Variants in EIF3H observed in about 807,000 individuals in gnomAD.
EIF3H encodes the protein eukaryotic translation initiation factor 3 subunit H.
A neutral mutation model predicts 44.2 loss-of-function variants in EIF3H; 26 were observed. The observed-to-expected ratio is 0.59, with a 90% CI of 0.43 to 0.82. The LOEUF (loss-of-function observed/expected upper bound fraction) is 0.82, where lower values mean the gene tolerates loss of function less well. Among genes scored for constraint, EIF3H ranks in the 40% least tolerant of loss-of-function variants. The pLI is 0.00. For synonymous variants in EIF3H, 166 were observed against 151.9 expected (o/e 1.09, Z -0.68); for missense variants, 359 against 432.8 (o/e 0.83, Z 1.51).
At chr8:116,689,200 C>A in intron 2 of EIF3H, 2 of 385,326 alleles carry the variant, frequency 5.2e-6, no homozygotes, top group South Asian at 1.8e-5. Context: ...TTGTATAATT[C>A]CACTTACATG....
At chr8:116,693,565 A>G (rs1334150853) in intron 2 of EIF3H, among the ~76,000 whole-genome samples, 1 of 152,228 alleles carries the variant, frequency 6.6e-6, no homozygotes, top group Non-Finnish European at 1.5e-5. Flanking sequence ...TCAACAGTCC[A>G]CTGTGGCACT....
intron 2 of EIF3H, chr8:116,697,010 C>A (rs1054061075): frequency 6.7e-6 from 3 of 444,766 alleles, no homozygotes; most frequent in African/African-American, 4.0e-5. Flanking sequence ...ACAATTAGGG[C>A]ACAGAGATAA....
At chr8:116,680,214 C>A (rs1813956604) in intron 2 of EIF3H, among the ~76,000 whole-genome samples, 1 of 50,824 alleles carries the variant, frequency 2.0e-5, no homozygotes, top group African/African-American at 5.5e-5. Flanking sequence ...GGGGGGTCAG[C>A]CCCCCGCCCG....
chr8:116,670,070 T>A (rs1265024553), intron 2 of EIF3H, among the ~76,000 whole-genome samples: 1 of 152,212 alleles, frequency 6.6e-6, no homozygotes, highest in African/African-American at 2.4e-5. Flanking sequence ...CATTTCCTGT[T>A]ATGACAATAT....
chr8:116,699,288 T>C (rs954090338), intron 2 of EIF3H, among the ~76,000 whole-genome samples: 20 of 152,224 alleles, frequency 1.3e-4, no homozygotes, highest in African/African-American at 4.8e-4. Flanking sequence ...GACATACACT[T>C]CAATTTTCAT....
intron 1 of EIF3H, among the ~76,000 whole-genome samples, chr8:116,751,715 G>A (rs932855171): frequency 7.9e-5 from 12 of 152,192 alleles, no homozygotes; most frequent in Non-Finnish European, 1.2e-4. Flanking sequence ...CGTGAGCACA[G>A]ATAAGAATAC....
At chr8:116,724,203 G>A (rs1333666042) in intron 2 of EIF3H, among the ~76,000 whole-genome samples, 1 of 152,176 alleles carries the variant, frequency 6.6e-6, no homozygotes, top group Non-Finnish European at 1.5e-5. Context: ...GACCCTCAAT[G>A]GGAAAGGACA....
rs186920643 is a variant in EIF3H, at chr8:116,661,728, C to T, written c.290-2748G>A. ...TCAAATAGCCTGAATACAAGAGATTCTCTAACAGCATTTCAGGATACACAA... is the reference window on the plus strand; with the variant it reads ...TCAAATAGCCTGAATACAAGAGATTTTCTAACAGCATTTCAGGATACACAA... On this transcript the variant is annotated intron_variant, in intron 2 of 7. Transcript: ENST00000521861. Among the ~76,000 whole-genome samples the T allele has an allele frequency of 8.1e-3, 1,241 of 152,322 alleles. 19 individuals carry two copies. Among genetic ancestry groups the T allele is most frequent in the African/African-American group, 0.028 (1,179 of 41,560 alleles).
chr8:116,680,697 C>T (rs1813969096), intron 2 of EIF3H, among the ~76,000 whole-genome samples: 2 of 136,464 alleles, frequency 1.5e-5, no homozygotes, highest in African/African-American at 5.5e-5. Context: ...TGCGGAAGGC[C>T]GCAGGGTCCT....
At chr8:116,671,072 A>G (rs1393883707) in intron 2 of EIF3H, among the ~76,000 whole-genome samples, 1 of 152,252 alleles carries the variant, frequency 6.6e-6, no homozygotes, top group Non-Finnish European at 1.5e-5. Context: ...CTCCTGCCAG[A>G]TGTTTAAAAT....
intron 2 of EIF3H, among the ~76,000 whole-genome samples, chr8:116,681,389 C>G (rs949346389): frequency 5.3e-5 from 8 of 150,970 alleles, no homozygotes; most frequent in Middle Eastern, 3.3e-3. Context: ...ACTCTATGAC[C>G]GGGCACAGTG....
At chr8:116,655,637 C>G (rs960871409) in intron 5 of EIF3H, among the ~76,000 whole-genome samples, 3 of 152,100 alleles carry the variant, frequency 2.0e-5, no homozygotes, top group African/African-American at 7.2e-5. Context: ...CTAATATGAG[C>G]AATTAGTATT....
intron 2 of EIF3H, among the ~76,000 whole-genome samples, chr8:116,680,138 G>A (rs1363259334): frequency 3.1e-5 from 2 of 65,186 alleles, no homozygotes; most frequent in African/African-American, 9.5e-5. Context: ...GCCTCTGCCC[G>A]GCCGCCCCTA....
intron 2 of EIF3H, among the ~76,000 whole-genome samples, chr8:116,711,864 C>T (rs569775990): frequency 6.6e-6 from 1 of 152,330 alleles, no homozygotes; most frequent in African/African-American, 2.4e-5. Context: ...AAGTCAAATA[C>T]ACTGCTTAAA....
chr8:116,652,142 G>A (rs1038839125), intron 5 of EIF3H, among the ~76,000 whole-genome samples: 4 of 152,152 alleles, frequency 2.6e-5, no homozygotes, highest in African/African-American at 7.2e-5. Flanking sequence ...AGAATGAGAG[G>A]AAACCCAGAA....
At chr8:116,706,635 A>G (rs896223637) in intron 2 of EIF3H, among the ~76,000 whole-genome samples, 2 of 152,172 alleles carry the variant, frequency 1.3e-5, no homozygotes, top group East Asian at 3.8e-4. Flanking sequence ...CCCGGTTTCA[A>G]GAGATTCTTG....
chr8:116,642,434 T>C lies in EIF3H; in HGVS notation c.*2572A>G, dbSNP rs1813236306. 1 of 152,144 alleles carries C rather than the reference T, an allele frequency of 6.6e-6. No homozygotes were observed. The highest frequency in any genetic ancestry group is 1.5e-5 in the Non-Finnish European group (1 of 68,010). The allele number at this position is 152,144 out of a possible 1,614,324, so 9.4% of individuals were successfully genotyped here. ...CTTCCAAAAATAGGTAAAAAAATTA[T>C]TTTAGTTTAAGTTGATATTAAAAAC... On this transcript the variant is annotated 3_prime_UTR_variant, in exon 8 of 8. Coordinates refer to ENST00000521861, the MANE Select transcript of EIF3H (RefSeq NM_003756.3).
At chr8:116,688,504 A>G (rs558882288) in intron 2 of EIF3H, among the ~76,000 whole-genome samples, 2 of 152,266 alleles carry the variant, frequency 1.3e-5, no homozygotes, top group African/African-American at 4.8e-5. Flanking sequence ...AAGACATAAA[A>G]GATATACTGT....
rs1258081894 is a variant in EIF3H at position 116,645,110 on chromosome 8, AT to A, written c.962-8del. 1 of 1,610,490 alleles carries A rather than the reference AT, an allele frequency of 6.2e-7. No individual in the cohort carries two copies. The highest frequency in any genetic ancestry group is 8.5e-7 in the Non-Finnish European group (1 of 1,177,306). Reference sequence around the variant, plus strand: ...CAGTAAGTGTTTATCTGGCCTGTGCATTTGAGAAAGAGATAGAGCCATAATG... The same window carrying A: ...CAGTAAGTGTTTATCTGGCCTGTGCATTGAGAAAGAGATAGAGCCATAATG... On this transcript the variant is annotated splice_polypyrimidine_tract_variant and splice_region_variant and intron_variant, in intron 7 of 7. Coordinates refer to ENST00000521861, the MANE Select transcript of EIF3H (RefSeq NM_003756.3).
Sources: gnomAD v4.1 joint callset for allele counts (sites outside exome capture counted in the v4.1 genomes callset) on GRCh38, gnomAD v4.1.1 for gene constraint, MANE v1.5 for transcripts, NCBI Gene and HGNC (gene_info 2026-07-23, HGNC 2026-07-21) for gene names.